Variants in LUZP2 observed in about 807,000 individuals in gnomAD.
LUZP2 encodes the protein leucine zipper protein 2.
LUZP2 carries 52 observed loss-of-function variants against 51.6 expected under a neutral mutation model. That is an observed-to-expected ratio of 1.01 (90% CI 0.81 to 1.27). LUZP2 has a LOEUF of 1.27. LUZP2 is among the 50% of genes most tolerant of loss of function. LUZP2 has a pLI of 0.00. For missense variants in LUZP2, 436 were observed against 395.4 expected, an observed-to-expected ratio of 1.10 and a Z score of -0.87; for synonymous variants, 154 against 137.3, an observed-to-expected ratio of 1.12 and a Z score of -0.85.
intron 9 of LUZP2, among the ~76,000 whole-genome samples, chr11:25,032,715 A>C (rs1447304858): frequency 6.6e-6 from 1 of 152,208 alleles, no homozygotes; most frequent in East Asian, 1.9e-4. Flanking sequence ...ATTGGTAGAG[A>C]AATATCAAAT....
At chr11:24,607,473 C>T (rs1324279729) in intron 1 of LUZP2, among the ~76,000 whole-genome samples, 2 of 148,140 alleles carry the variant, frequency 1.4e-5, no homozygotes, top group Admixed American at 6.9e-5. Flanking sequence ...ATATGCATGG[C>T]TTTACTCTGG....
chr11:25,075,551 A>G (rs1016170276), intron 10 of LUZP2, among the ~76,000 whole-genome samples: 10 of 152,188 alleles, frequency 6.6e-5, no homozygotes. Flanking sequence ...TATTCACAAT[A>G]TATTGGGGAG....
intron 1 of LUZP2, among the ~76,000 whole-genome samples, chr11:24,598,417 A>G (rs972926686): frequency 3.3e-5 from 5 of 152,122 alleles, no homozygotes; most frequent in African/African-American, 1.2e-4. Flanking sequence ...AGTTTCCTAA[A>G]AGTAGGGGAA....
chr11:24,699,876 AC>A (rs1311655188), intron 1 of LUZP2, among the ~76,000 whole-genome samples: 1 of 151,258 alleles, frequency 6.6e-6, no homozygotes, highest in Admixed American at 6.6e-5. Context: ...AGTTTTGAAC[AC>A]AAAGGAATTA....
At chr11:24,725,590 G>T (rs986816390) in intron 1 of LUZP2, among the ~76,000 whole-genome samples, 1 of 151,730 alleles carries the variant, frequency 6.6e-6, no homozygotes, top group African/African-American at 2.4e-5. Context: ...TTATTTAAAA[G>T]AAATTGGAGA....
chr11:25,025,950 A>C (rs1047113353), intron 9 of LUZP2, among the ~76,000 whole-genome samples: 2 of 152,188 alleles, frequency 1.3e-5, no homozygotes, highest in Non-Finnish European at 2.9e-5. Flanking sequence ...ACACCATGGA[A>C]TTCTATGCAG....
intron 1 of LUZP2, among the ~76,000 whole-genome samples, chr11:24,625,680 C>T (rs922391354): frequency 7.3e-5 from 11 of 150,900 alleles, no homozygotes; most frequent in South Asian, 2.1e-4. Flanking sequence ...AAGAAATATT[C>T]GTTTGAAAAA....
At chr11:24,946,421 A>G (rs1278808938) in intron 7 of LUZP2, among the ~76,000 whole-genome samples, 1 of 151,636 alleles carries the variant, frequency 6.6e-6, no homozygotes, top group Non-Finnish European at 1.5e-5. Context: ...CCCTGATGCT[A>G]TTTTACTGTC....
chr11:24,639,341 T>C (rs572187556), intron 1 of LUZP2, among the ~76,000 whole-genome samples: 3 of 152,002 alleles, frequency 2.0e-5, no homozygotes, highest in African/African-American at 7.3e-5. Context: ...TCTTCCATTG[T>C]GTTGTATATT....
intron 1 of LUZP2, among the ~76,000 whole-genome samples, chr11:24,550,950 A>G (rs1851706978): frequency 6.6e-6 from 1 of 151,982 alleles, no homozygotes; most frequent in South Asian, 2.1e-4. Context: ...CTCAAAAACA[A>G]ACAAACACAC....
chr11:24,605,255 C>T (rs1322250117), intron 1 of LUZP2, among the ~76,000 whole-genome samples: 2 of 151,706 alleles, frequency 1.3e-5, no homozygotes, highest in African/African-American at 4.8e-5. Context: ...AGCCATTTTA[C>T]ATAAAGAGCT....
intron 1 of LUZP2, among the ~76,000 whole-genome samples, chr11:24,501,320 T>C (rs1013845318): frequency 6.6e-6 from 1 of 152,174 alleles, no homozygotes; most frequent in African/African-American, 2.4e-5. Flanking sequence ...TGGATTAAAT[T>C]TTCTCTGTGA....
intron 1 of LUZP2, among the ~76,000 whole-genome samples, chr11:24,535,866 A>G (rs892700384): frequency 1.3e-5 from 2 of 151,760 alleles, no homozygotes; most frequent in African/African-American, 4.8e-5. Context: ...TGTCTATCAG[A>G]GGAATCACTG....
chr11:24,750,920 A>G (rs559420146), intron 4 of LUZP2, among the ~76,000 whole-genome samples: 2 of 152,318 alleles, frequency 1.3e-5, no homozygotes, highest in East Asian at 3.9e-4. Flanking sequence ...TTTAAATGAT[A>G]TTCTTGACTT....
intron 5 of LUZP2, among the ~76,000 whole-genome samples, chr11:24,859,608 T>A (rs764531164): frequency 6.6e-6 from 1 of 152,086 alleles, no homozygotes; most frequent in Non-Finnish European, 1.5e-5. Flanking sequence ...GAAAAAACCA[T>A]AACAAGTGTG....
intron 7 of LUZP2, among the ~76,000 whole-genome samples, chr11:24,972,551 GTCTC>G (rs1855771843): frequency 6.6e-6 from 1 of 152,046 alleles, no homozygotes; most frequent in Admixed American, 6.6e-5. Flanking sequence ...TTGTTTTGCT[GTCTC>G]TCTATAGTGA....
At chr11:24,633,954 G>GTATATA (rs1293951651) in intron 1 of LUZP2, among the ~76,000 whole-genome samples, 2 of 112,140 alleles carry the variant, frequency 1.8e-5, no homozygotes, top group African/African-American at 3.4e-5. Context: ...GTGTGTGTGT[G>GTATATA]TGTGTGTGTG....
At chr11:24,642,133 C>A (rs1474464569) in intron 1 of LUZP2, among the ~76,000 whole-genome samples, 1 of 151,760 alleles carries the variant, frequency 6.6e-6, no homozygotes, top group East Asian at 1.9e-4. Flanking sequence ...CATGATCCAC[C>A]AGCCTTGGCC....
intron 1 of LUZP2, among the ~76,000 whole-genome samples, chr11:24,657,548 A>G (rs929243606): frequency 2.6e-5 from 4 of 152,186 alleles, no homozygotes; most frequent in African/African-American, 9.7e-5. Flanking sequence ...CACCACTCCT[A>G]TTCAACTAAT....
Sources: gnomAD v4.1 joint callset for allele counts (sites outside exome capture counted in the v4.1 genomes callset) on GRCh38, gnomAD v4.1.1 for gene constraint, MANE v1.5 for transcripts, NCBI Gene and HGNC (gene_info 2026-07-23, HGNC 2026-07-21) for gene names.